NFIB: variants seen among roughly 807,000 people sequenced by gnomAD.
NFIB encodes nuclear factor 1 B-type.
In NFIB, 11 loss-of-function variants were observed where a neutral mutation model predicts 61.5. That is an observed-to-expected ratio of 0.18 (90% CI 0.11 to 0.30). NFIB has a LOEUF of 0.30. Ranked by LOEUF, NFIB falls within the 10% of genes least tolerant of loss-of-function variation. The pLI is 1.00. For missense variants in NFIB, 471 were observed against 608.9 expected (o/e 0.77, Z 2.38); for synonymous variants, 260 against 216.5 (o/e 1.20, Z -1.76).
intron 1 of NFIB, among the ~76,000 whole-genome samples, chr9:14,365,001 G>A (rs988970479): frequency 6.6e-6 from 1 of 152,126 alleles, no homozygotes; most frequent in Non-Finnish European, 1.5e-5. Flanking sequence ...TATGTTTTCT[G>A]AGGCACGTTA....
chr9:14,428,188 C>G, the NFIB span, among the ~76,000 whole-genome samples: 2 of 151,946 alleles, frequency 1.3e-5, no homozygotes, highest in Non-Finnish European at 2.9e-5. Flanking sequence ...TCAAGTAATC[C>G]TCCCACTTCA....
chr9:14,346,809 CTGTATGTGT>C (rs1290065977), intron 1 of NFIB, among the ~76,000 whole-genome samples: 1 of 152,148 alleles, frequency 6.6e-6, no homozygotes, highest in Non-Finnish European at 1.5e-5. Context: ...CTCTAATTAC[CTGTATGTGT>C]AAAGAACTCA....
At chr9:14,268,561 G>A (rs573183345) in intron 2 of NFIB, among the ~76,000 whole-genome samples, 136 of 152,144 alleles carry the variant, frequency 8.9e-4, no homozygotes, top group Non-Finnish European at 1.7e-3. Flanking sequence ...CTAACAAAAC[G>A]GTGCTCATCT....
At chr9:14,352,807 A>C (rs895752375) in intron 1 of NFIB, among the ~76,000 whole-genome samples, 1 of 152,200 alleles carries the variant, frequency 6.6e-6, no homozygotes, top group Non-Finnish European at 1.5e-5. Flanking sequence ...AAAGGCCTGC[A>C]TAGGAAGGAC....
chr9:14,197,130 T>C (rs911855942), intron 2 of NFIB, among the ~76,000 whole-genome samples: 11 of 152,212 alleles, frequency 7.2e-5, no homozygotes, highest in Middle Eastern at 3.2e-3. Context: ...CCGAAATAGG[T>C]TGTGCTTTAT....
the NFIB span, among the ~76,000 whole-genome samples, chr9:14,428,698 C>T: frequency 2.6e-5 from 4 of 152,202 alleles, no homozygotes; most frequent in African/African-American, 9.6e-5. Flanking sequence ...TGAACGTTGA[C>T]ATTCAAATAC....
At chr9:14,449,198 G>C in the NFIB span, among the ~76,000 whole-genome samples, 1 of 152,178 alleles carries the variant, frequency 6.6e-6, no homozygotes, top group African/African-American at 2.4e-5. Context: ...TCAATGTTCA[G>C]AAGTCAGTCG....
At chr9:14,420,072 G>T in the NFIB span, among the ~76,000 whole-genome samples, 1 of 152,246 alleles carries the variant, frequency 6.6e-6, no homozygotes, top group Non-Finnish European at 1.5e-5. Context: ...GGGTTAAGAT[G>T]AACAAGTATA....
chr9:14,384,177 C>T (rs1288083487), intron 1 of NFIB, among the ~76,000 whole-genome samples: 3 of 152,158 alleles, frequency 2.0e-5, no homozygotes, highest in South Asian at 2.1e-4. Flanking sequence ...TGACAGCTCC[C>T]GAAATCTCAT....
the NFIB span, among the ~76,000 whole-genome samples, chr9:14,427,726 G>T: frequency 6.6e-6 from 1 of 152,068 alleles, no homozygotes; most frequent in Admixed American, 6.6e-5. Flanking sequence ...GGATGCAGGA[G>T]TGGAGAAGGC....
At chr9:14,470,083 T>C in the NFIB span, among the ~76,000 whole-genome samples, 1 of 152,246 alleles carries the variant, frequency 6.6e-6, no homozygotes, top group Non-Finnish European at 1.5e-5. Flanking sequence ...TTAACCTCTC[T>C]GTGCCTCAGT....
chr9:14,128,973 A>G lies in NFIB; in HGVS notation c.926-3207T>C, dbSNP rs143492556. On this transcript the variant is annotated intron_variant, in intron 6 of 10. Coordinates refer to ENST00000380953, the MANE Select transcript of NFIB (RefSeq NM_001190737.2). ...AAGCATTTGTATTTTCTTAGCCAAA[A>G]TGACACACTTGCTTTTACTGAGTAA... Among the ~76,000 whole-genome samples, 735 of 152,278 alleles carry G rather than the reference A, an allele frequency of 4.8e-3. 7 individuals carry two copies. Among genetic ancestry groups the G allele is most frequent in the African/African-American group, 0.015 (636 of 41,560 alleles).
chr9:14,418,864 T>C, the NFIB span, among the ~76,000 whole-genome samples: 1 of 152,146 alleles, frequency 6.6e-6, no homozygotes, highest in Non-Finnish European at 1.5e-5. Flanking sequence ...TAAGTCAGAG[T>C]GTACATTTGA....
chr9:14,292,213 C>A (rs2059150466), intron 2 of NFIB, among the ~76,000 whole-genome samples: 1 of 152,010 alleles, frequency 6.6e-6, no homozygotes, highest in Admixed American at 6.5e-5. Context: ...GTAACGCATC[C>A]AAAGAAGCAC....
At position 14,269,202 on chromosome 9, in the gene NFIB, T is replaced by C. The variant is rs184809842; in HGVS notation, c.562+37787A>G. 2.0e-5 allele frequency among the ~76,000 whole-genome samples: 3 copies of C among 152,320 alleles called. No homozygotes were observed. In the East Asian group the frequency reaches 5.8e-4, roughly 29 times the overall value. ...ATGTGATATCACATATAATACCACA[T>C]CTCATTCTCTACAGATTCTGAAATG... On this transcript the variant is annotated intron_variant, in intron 2 of 10. Transcript: ENST00000380953.
chr9:14,345,118 G>T (rs2061003585), intron 1 of NFIB, among the ~76,000 whole-genome samples: 1 of 152,134 alleles, frequency 6.6e-6, no homozygotes, highest in Non-Finnish European at 1.5e-5. Flanking sequence ...ACACACTTTC[G>T]CGGCGGAAGT....
At chr9:14,141,397 CAAG>C (rs2041682416) in intron 6 of NFIB, among the ~76,000 whole-genome samples, 1 of 152,074 alleles carries the variant, frequency 6.6e-6, no homozygotes, top group Non-Finnish European at 1.5e-5. Context: ...GCCAATATAC[CAAG>C]TAGTGCTAGT....
At chr9:14,218,150 T>G (rs1048802053) in intron 2 of NFIB, among the ~76,000 whole-genome samples, 8 of 152,212 alleles carry the variant, frequency 5.3e-5, no homozygotes, top group Non-Finnish European at 1.0e-4. Context: ...AGGTGGTATT[T>G]GGAAGGCATA....
intron 2 of NFIB, among the ~76,000 whole-genome samples, chr9:14,247,291 G>C (rs1382626389): frequency 1.3e-5 from 2 of 152,182 alleles, no homozygotes; most frequent in African/African-American, 4.8e-5. Context: ...TTTACAAACA[G>C]ACTCATTAAT....
Sources: gnomAD v4.1 joint callset for allele counts (sites outside exome capture counted in the v4.1 genomes callset) on GRCh38, gnomAD v4.1.1 for gene constraint, MANE v1.5 for transcripts, NCBI Gene and HGNC (gene_info 2026-07-23, HGNC 2026-07-21) for gene names.